Variants in TBX22 observed in about 807,000 individuals in gnomAD.
TBX22 encodes the protein T-box transcription factor TBX22.
Under a neutral mutation model 30.1 loss-of-function variants are expected in TBX22, and 8 were observed. The ratio of observed to expected loss-of-function variants is 0.27; its 90% CI spans 0.16 to 0.48. The LOEUF is 0.48. TBX22 is among the 20% of genes least tolerant of loss of function. The probability of loss-of-function intolerance (pLI) is 0.99; values close to 1 mark genes in which losing one functional copy is unlikely to be tolerated. For missense variants in TBX22, 463 were observed against 400.5 expected, an observed-to-expected ratio of 1.16 and a Z score of -1.33; for synonymous variants, 173 against 149.1, an observed-to-expected ratio of 1.16 and a Z score of -1.17.
chrX:80,023,483 G>A (rs774813811), intron 3 of TBX22, among the ~76,000 whole-genome samples: 1 of 110,839 alleles, frequency 9.0e-6, no homozygotes, highest in Non-Finnish European at 1.9e-5. Context: ...TCACTTCCCC[G>A]TCTCCTGCCT....
rs1225483836 is a variant in TBX22, at chrX:80,030,916, A to G, written c.1368A>G (p.Pro456=). 2 of 1,210,153 alleles carry G rather than the reference A, an allele frequency of 1.7e-6. No individual in the cohort carries two copies. The highest frequency in any genetic ancestry group is 3.5e-5 in the African/African-American group (2 of 57,437). ...GLQSPGNIFL[P]NSITPEALSC... is the part of the protein sequence containing the mutation. ...AGTCACCTGGAAATATTTTTCTGCCAAACTCCATCACCCCAGAAGCACTTA... is the reference window on the plus strand; with the variant it reads ...AGTCACCTGGAAATATTTTTCTGCCGAACTCCATCACCCCAGAAGCACTTA... Residue 456 remains proline, a synonymous_variant, in exon 9 of 9, where the codon CCA becomes CCG. Coordinates refer to ENST00000373296, the MANE Select transcript of TBX22 (RefSeq NM_001109878.2).
intron 2 of TBX22, 140 bp from the exon 3 acceptor site, chrX:80,022,920 T>G: frequency 1.6e-6 from 1 of 607,549 alleles, no homozygotes; most frequent in East Asian, 3.6e-5. Flanking sequence ...GAGGGTGTTA[T>G]GCGGAGCTTG....
At position 80,030,501 on chromosome X, in the gene TBX22, G is replaced by A; in HGVS notation, c.953G>A (p.Gly318Glu). 1 of 1,211,460 alleles carries A rather than the reference G, an allele frequency of 8.3e-7. No individual in the cohort carries two copies. The highest frequency in any genetic ancestry group is 1.1e-6 in the Non-Finnish European group (1 of 895,321). Reference protein sequence around the residue: ...FKTFGADTQSGSSGSSPVTSS... With the variant: ...FKTFGADTQSESSGSSPVTSS... ...TTGGCTGAATTGTCATTCACAGGTG[G>A]AAGCAGTGGCTCATCTCCAGTGACC... The change falls in exon 9 of 9, where the codon GGA becomes GAA. Residue 318 changes from glycine (G) to glutamate (E), a missense_variant. Gly to Glu is a moderately conservative substitution (Grantham distance 98). Coordinates refer to ENST00000373296, the MANE Select transcript of TBX22 (RefSeq NM_001109878.2).
chrX:80,025,344 G>C (rs1345636981), intron 4 of TBX22, among the ~76,000 whole-genome samples: 1 of 112,117 alleles, frequency 8.9e-6, no homozygotes, highest in Non-Finnish European at 1.9e-5. Flanking sequence ...TTTCTGTGGT[G>C]GTTTCTGTGA....
In TBX22 at chrX:80,020,271, T is replaced by G. The variant is rs867632699; in HGVS notation, c.-2-1997T>G. ...CTAAGAGCATGCAATAAATAAAATA[T>G]AGATAGATAGAGATAGATTAGATAG... On this transcript the variant is annotated intron_variant, in intron 1 of 8. Coordinates refer to ENST00000373296, the MANE Select transcript of TBX22 (RefSeq NM_001109878.2). 4.4e-4 allele frequency among the ~76,000 whole-genome samples: 43 copies of G among 98,413 alleles called. 1 individual carries two copies. Among genetic ancestry groups the G allele is most frequent in the African/African-American group, 1.6e-3 (42 of 25,824 alleles). The allele number at this position is 98,413 out of a possible 115,157, so 85.5% of individuals were successfully genotyped here. A position where few individuals can be genotyped will look rare whatever the true frequency, so the allele number is the denominator to read the frequency against.
In TBX22 at chrX:80,028,049, T is replaced by C; in HGVS notation, c.922T>C (p.Phe308Leu). ...ATGGAGGCCTTCTTTCACTCTCGAT[T>C]TTAAAACCTTTGGCGCAGACACACA... ...YPWRPSFTLD[F>L]KTFGADTQSG... The change falls in exon 8 of 9, where the codon TTT becomes CTT. Residue 308 changes from phenylalanine (F) to leucine (L), a missense_variant. Transcript: ENST00000373296. The C allele has an allele frequency of 8.3e-7, 1 of 1,211,010 alleles. No individual in the cohort carries two copies. The highest frequency in any genetic ancestry group is 3.0e-5 in the East Asian group (1 of 33,826).
At chrX:80,018,560 G>A (rs960502159) in intron 1 of TBX22, among the ~76,000 whole-genome samples, 6 of 111,767 alleles carry the variant, frequency 5.4e-5, no homozygotes, top group African/African-American at 9.7e-5. Flanking sequence ...CGAGTGTTTC[G>A]CCTCAAAGAA....
At chrX:80,025,541 A>G in intron 4 of TBX22, 62 bp from the exon 5 acceptor site, 1 of 992,548 alleles carries the variant, frequency 1.0e-6, no homozygotes, top group South Asian at 1.9e-5. Flanking sequence ...CCTCAGGAAC[A>G]GAACACAACA....
chrX:80,022,619 T>C lies in TBX22; in HGVS notation c.175+175T>C. 4 of 500,785 alleles carry C rather than the reference T, an allele frequency of 8.0e-6. No individual in the cohort carries two copies. The East Asian group carries it at 1.5e-4, about 18-fold the overall frequency. The allele number at this position is 500,785 out of a possible 1,213,427, so 41.3% of individuals were successfully genotyped here. On this transcript the variant is annotated intron_variant, in intron 2 of 8. Transcript: ENST00000373296. ...GAATCCATCCCGGAGTACAGCAGTT[T>C]CTTTGCGGTAAAGGGGAGGGTCCCT...
intron 1 of TBX22, among the ~76,000 whole-genome samples, chrX:80,019,504 A>G (rs1173055689): frequency 9.0e-6 from 1 of 111,521 alleles, no homozygotes; most frequent in African/African-American, 3.3e-5. Context: ...AAACCTCCAC[A>G]TGTTTCGCTG....
At chrX:80,027,465 A>C in intron 7 of TBX22, 145 bp downstream of exon 7, 1 of 389,932 alleles carries the variant, frequency 2.6e-6, no homozygotes, top group Admixed American at 4.6e-5. Context: ...TGCAACTTTC[A>C]CCTCCCTGGT....
intron 2 of TBX22, among the ~76,000 whole-genome samples, chrX:80,022,817 T>TAA (rs1204799825): frequency 0.061 from 3,917 of 64,032 alleles, 119 homozygotes; most frequent in South Asian, 0.086. Flanking sequence ...TTGGCAAATC[T>TAA]AAAAAAAAAA....
chrX:80,029,213 T>C (rs1199202547), intron 8 of TBX22, among the ~76,000 whole-genome samples: 3 of 112,082 alleles, frequency 2.7e-5, no homozygotes, highest in African/African-American at 9.7e-5. Flanking sequence ...GCCATCTTGT[T>C]GATGAAGGTT....
At chrX:80,018,880 A>G (rs765003849) in intron 1 of TBX22, among the ~76,000 whole-genome samples, 1 of 112,130 alleles carries the variant, frequency 8.9e-6, no homozygotes, top group Non-Finnish European at 1.9e-5. Flanking sequence ...GTCAGTCTGA[A>G]TCTAAAGTCT....
chrX:80,022,480 G>T (rs1489075262), intron 2 of TBX22, 36 bp downstream of exon 2: 6 of 1,149,331 alleles, frequency 5.2e-6, no homozygotes, highest in Non-Finnish European at 7.0e-6. Flanking sequence ...CGTTGCCTGA[G>T]CTTACTGGTT....
chrX:80,017,039 C>T (rs867029496), intron 1 of TBX22, among the ~76,000 whole-genome samples: 11 of 66,058 alleles, frequency 1.7e-4, no homozygotes, highest in African/African-American at 5.4e-4. Context: ...TGAAAAAAAA[C>T]AAAGAAAAGG....
intron 1 of TBX22, among the ~76,000 whole-genome samples, chrX:80,015,739 G>A (rs762895406): frequency 8.9e-6 from 1 of 111,734 alleles, no homozygotes; most frequent in Non-Finnish European, 1.9e-5. Context: ...CTGTAGGGTG[G>A]TGATATGGTT....
intron 1 of TBX22, among the ~76,000 whole-genome samples, chrX:80,021,191 G>A (rs1923672553): frequency 8.9e-6 from 1 of 112,039 alleles, no homozygotes; most frequent in Non-Finnish European, 1.9e-5. Flanking sequence ...ACATTCTTGG[G>A]AGCAAAGGCC....
At position 80,018,461 on chromosome X, in the gene TBX22, C is replaced by T. The variant is rs767195284; in HGVS notation, c.-3+3574C>T. On this transcript the variant is annotated intron_variant, in intron 1 of 8. Coordinates refer to ENST00000373296, the MANE Select transcript of TBX22 (RefSeq NM_001109878.2). ...TTGAATTTCTTAAAAAAAAAGGTGG[C>T]TTTCCTAAAGACTTTCAACCTTTTG... Among the ~76,000 whole-genome samples the T allele has an allele frequency of 7.4e-4, 83 of 111,758 alleles. 1 individual carries two copies. Among genetic ancestry groups the T allele is most frequent in the Middle Eastern group, 4.6e-3 (1 of 218 alleles).
Sources: gnomAD v4.1 joint callset for allele counts (sites outside exome capture counted in the v4.1 genomes callset) on GRCh38, gnomAD v4.1.1 for gene constraint, MANE v1.5 for transcripts, NCBI Gene and HGNC (gene_info 2026-07-23, HGNC 2026-07-21) for gene names.